Variants in KCNIP1 observed in about 807,000 individuals in gnomAD.
KCNIP1 encodes the protein potassium voltage-gated channel interacting protein 1.
In KCNIP1, 18 loss-of-function variants were observed where a neutral mutation model predicts 33.0. The ratio of observed to expected loss-of-function variants is 0.55; its 90% CI spans 0.38 to 0.81. The LOEUF (loss-of-function observed/expected upper bound fraction) is 0.81. Among genes scored for constraint, KCNIP1 ranks in the 30% least tolerant of loss-of-function variants. The pLI is 0.00. For synonymous variants in KCNIP1, 93 were observed against 98.3 expected (o/e 0.95, Z 0.32); for missense variants, 238 against 271.6 (o/e 0.88, Z 0.87).
At chr5:170,594,483 C>T (rs916263142) in intron 1 of KCNIP1, among the ~76,000 whole-genome samples, 2 of 152,080 alleles carry the variant, frequency 1.3e-5, no homozygotes, top group African/African-American at 4.8e-5. Context: ...GTGGGGCTGG[C>T]ATGTTAGTGA....
intron 1 of KCNIP1, among the ~76,000 whole-genome samples, chr5:170,582,364 T>C (rs989309396): frequency 3.9e-5 from 6 of 152,204 alleles, no homozygotes; most frequent in Non-Finnish European, 1.5e-5. Flanking sequence ...AAATGAGAGA[T>C]AATGACTCTC....
intron 1 of KCNIP1, among the ~76,000 whole-genome samples, chr5:170,471,771 T>A (rs1292522582): frequency 6.6e-6 from 1 of 152,144 alleles, no homozygotes; most frequent in Non-Finnish European, 1.5e-5. Context: ...CTCCTTTAGA[T>A]CCTCTTTCCC....
At chr5:170,696,221 T>A (rs1261202417) in intron 1 of KCNIP1, among the ~76,000 whole-genome samples, 1 of 152,152 alleles carries the variant, frequency 6.6e-6, no homozygotes, top group African/African-American at 2.4e-5. Flanking sequence ...TTCACTGCAC[T>A]AAAGATGATT....
intron 1 of KCNIP1, among the ~76,000 whole-genome samples, chr5:170,415,199 T>G (rs1755295566): frequency 6.6e-6 from 1 of 152,150 alleles, no homozygotes; most frequent in African/African-American, 2.4e-5. Context: ...ATGGGGCTGA[T>G]AGAGGAAGCC....
At chr5:170,439,605 A>C (rs1755942799) in intron 1 of KCNIP1, among the ~76,000 whole-genome samples, 1 of 152,190 alleles carries the variant, frequency 6.6e-6, no homozygotes, top group Non-Finnish European at 1.5e-5. Context: ...AGTGGGGCTC[A>C]TCTACGCAAG....
At chr5:170,485,146 G>T (rs971849170) in intron 1 of KCNIP1, among the ~76,000 whole-genome samples, 5 of 152,028 alleles carry the variant, frequency 3.3e-5, no homozygotes, top group African/African-American at 1.2e-4. Context: ...CTCCATGTTG[G>T]TCAGGCTAGT....
At chr5:170,503,994 C>G (rs1425398702), upstream of KCNIP1, 10 of 962,988 alleles carry the variant, frequency 1.0e-5, no homozygotes, top group African/African-American at 1.8e-4. Context: ...GCCCGCCGCC[C>G]CCTCCGCCGC....
intron 1 of KCNIP1, among the ~76,000 whole-genome samples, chr5:170,379,792 A>T (rs1764165735): frequency 6.6e-6 from 1 of 152,026 alleles, no homozygotes; most frequent in African/African-American, 2.4e-5. Context: ...CTACAAAAAA[A>T]GTTAAAAATT....
intron 1 of KCNIP1, among the ~76,000 whole-genome samples, chr5:170,497,904 G>A (rs568934255): frequency 6.6e-6 from 1 of 152,252 alleles, no homozygotes; most frequent in African/African-American, 2.4e-5. Flanking sequence ...CAGCGCAGAA[G>A]CGTGCAGGGG....
At chr5:170,501,342 G>A (rs189173913), upstream of KCNIP1, among the ~76,000 whole-genome samples, 14 of 152,240 alleles carry the variant, frequency 9.2e-5, no homozygotes, top group African/African-American at 2.9e-4. Flanking sequence ...ACCACAACAC[G>A]CATCTGAGAA....
intron 1 of KCNIP1, among the ~76,000 whole-genome samples, chr5:170,696,126 G>A (rs913220443): frequency 4.0e-5 from 6 of 151,466 alleles, no homozygotes; most frequent in Non-Finnish European, 5.9e-5. Flanking sequence ...GCTTCACCTC[G>A]TAGTGTTCAT....
intron 1 of KCNIP1, chr5:170,383,393 G>T: frequency 1.7e-6 from 1 of 598,844 alleles, no homozygotes; most frequent in Non-Finnish European, 3.0e-6. Flanking sequence ...CTTGATAACA[G>T]CTCTTCAAGG....
intron 1 of KCNIP1, among the ~76,000 whole-genome samples, chr5:170,517,400 T>A (rs955090690): frequency 1.3e-5 from 2 of 152,078 alleles, no homozygotes; most frequent in African/African-American, 4.8e-5. Context: ...GGTGAGGACA[T>A]AGAGGCAAAC....
chr5:170,371,181 GT>G (rs1195880443), intron 1 of KCNIP1, among the ~76,000 whole-genome samples: 3 of 152,304 alleles, frequency 2.0e-5, no homozygotes, highest in African/African-American at 7.2e-5. Flanking sequence ...CTGGGTTCCA[GT>G]TGGGCGTGTG....
chr5:170,678,231 G>A (rs1762214943), intron 1 of KCNIP1, among the ~76,000 whole-genome samples: 1 of 152,214 alleles, frequency 6.6e-6, no homozygotes, highest in African/African-American at 2.4e-5. Flanking sequence ...GACTCAGCTT[G>A]GGACATATGA....
At chr5:170,359,119 C>A (rs568292608) in intron 1 of KCNIP1, among the ~76,000 whole-genome samples, 25 of 152,290 alleles carry the variant, frequency 1.6e-4, no homozygotes, top group Non-Finnish European at 2.9e-4. Context: ...GACAGCCATA[C>A]CCATGCTCTC....
At chr5:170,470,768 G>A (rs1400387621) in intron 1 of KCNIP1, among the ~76,000 whole-genome samples, 1 of 152,204 alleles carries the variant, frequency 6.6e-6, no homozygotes, top group Non-Finnish European at 1.5e-5. Context: ...GGTTAAGGAG[G>A]TGAAGTTTTG....
chr5:170,435,767 C>A (rs997162049), intron 1 of KCNIP1, among the ~76,000 whole-genome samples: 6 of 152,206 alleles, frequency 3.9e-5, no homozygotes, highest in Non-Finnish European at 7.3e-5. Context: ...GCTCAGGAAA[C>A]AATGCTATTG....
At chr5:170,354,966 T>C (rs1477756714) in intron 1 of KCNIP1, among the ~76,000 whole-genome samples, 1 of 152,098 alleles carries the variant, frequency 6.6e-6, no homozygotes. Flanking sequence ...CCACAAAACT[T>C]TGATGGGATT....
Sources: allele counts gnomAD v4.1 joint callset (sites outside exome capture counted in the v4.1 genomes callset), GRCh38; gene constraint gnomAD v4.1.1; transcripts MANE v1.5; gene names NCBI Gene and HGNC (gene_info 2026-07-23, HGNC 2026-07-21).